The following DNAAF6 variants were observed in gnomAD, a reference collection of about 807,000 sequenced individuals.
DNAAF6 encodes PIH1 domain containing 3.
DNAAF6 carries 3 observed loss-of-function variants against 13.7 expected under a neutral mutation model. That is an observed-to-expected ratio of 0.22 (90% CI 0.10 to 0.56). The LOEUF (loss-of-function observed/expected upper bound fraction) is 0.56, where lower values mean the gene tolerates loss of function less well. Among genes scored for constraint, DNAAF6 ranks in the 20% least tolerant of loss-of-function variants. The pLI, the probability that DNAAF6 is intolerant of heterozygous loss-of-function variation, is 0.92. For synonymous variants in DNAAF6, 54 were observed against 49.2 expected, an observed-to-expected ratio of 1.10 and a Z score of -0.41; for missense variants, 130 against 151.0, an observed-to-expected ratio of 0.86 and a Z score of 0.73.
At chrX:107,233,097 T>C (rs1347757707) in intron 5 of DNAAF6, among the ~76,000 whole-genome samples, 1 of 111,343 alleles carries the variant, frequency 9.0e-6, no homozygotes, top group Non-Finnish European at 1.9e-5. Flanking sequence ...CAGGAGGTAA[T>C]CTTAGAAATA....
At chrX:107,207,169 C>G (rs1356339116) in intron 1 of DNAAF6, 1 of 111,589 alleles carries the variant, frequency 9.0e-6, no homozygotes, top group Non-Finnish European at 1.9e-5. Flanking sequence ...CCTGGCCTAG[C>G]ATGCCTTGGT....
chrX:107,218,959 G>C lies in DNAAF6; in HGVS notation c.322G>C (p.Glu108Gln). 8.5e-7 allele frequency: 1 copy of C among 1,180,020 alleles called. No homozygotes were observed. Among genetic ancestry groups the C allele is most frequent in the Non-Finnish European group, 1.1e-6 (1 of 885,622 alleles). The change falls in exon 4 of 7, where the codon GAA (glutamate) becomes CAA (glutamine). Residue 108 changes from glutamate to glutamine, a missense_variant. By Grantham distance (29) the Glu-to-Gln change is conservative. Coordinates refer to ENST00000372453, the MANE Select transcript of DNAAF6 (RefSeq NM_173494.2). ...ATATGATGATATGTGGGATGTTAGAGAAATCCCAGAGTAAGTCAAATGAAG... is the reference window on the plus strand; with the variant it reads ...ATATGATGATATGTGGGATGTTAGACAAATCCCAGAGTAAGTCAAATGAAG... ...AEYDDMWDVR[E>Q]IPEYEIIFRQ...
intron 4 of DNAAF6, among the ~76,000 whole-genome samples, chrX:107,221,261 C>T (rs765315965): frequency 7.3e-5 from 8 of 109,540 alleles, no homozygotes; most frequent in African/African-American, 2.7e-4. Flanking sequence ...AGGCCTGAGC[C>T]ACAGTGCCCA....
chrX:107,239,233 T>C (rs1372601174), intron 6 of DNAAF6, among the ~76,000 whole-genome samples: 1 of 111,902 alleles, frequency 8.9e-6, no homozygotes, highest in African/African-American at 3.2e-5. Context: ...GGGTTAATGC[T>C]ATTAAAACAC....
intron 5 of DNAAF6, among the ~76,000 whole-genome samples, chrX:107,228,318 A>G (rs941863643): frequency 9.0e-6 from 1 of 111,694 alleles, no homozygotes; most frequent in African/African-American, 3.3e-5. Context: ...AGTGAAGAGG[A>G]AGTGAGGAAG....
intron 5 of DNAAF6, among the ~76,000 whole-genome samples, chrX:107,238,168 C>T (rs1338421024): frequency 1.8e-5 from 2 of 111,387 alleles, no homozygotes; most frequent in Non-Finnish European, 3.8e-5. Context: ...GGATACAACA[C>T]ATTTTGTTTT....
At chrX:107,217,110 T>C (rs1045138314) in intron 3 of DNAAF6, among the ~76,000 whole-genome samples, 1 of 111,881 alleles carries the variant, frequency 8.9e-6, no homozygotes, top group Non-Finnish European at 1.9e-5. Flanking sequence ...AAATGATGAA[T>C]AGCCATTTAC....
At chrX:107,207,669 C>T (rs1034323260) in intron 1 of DNAAF6, among the ~76,000 whole-genome samples, 11 of 112,037 alleles carry the variant, frequency 9.8e-5, no homozygotes, top group African/African-American at 3.6e-4. Context: ...CGGTGGCTCC[C>T]GCCTGTAATC....
intron 6 of DNAAF6, among the ~76,000 whole-genome samples, chrX:107,242,181 A>C (rs1028806725): frequency 8.9e-6 from 1 of 112,043 alleles, no homozygotes; most frequent in Non-Finnish European, 1.9e-5. Context: ...AGAGTCACAG[A>C]AAATTTATCC....
At chrX:107,234,152 A>T (rs1250756431) in intron 5 of DNAAF6, among the ~76,000 whole-genome samples, 3 of 111,622 alleles carry the variant, frequency 2.7e-5, no homozygotes, top group African/African-American at 9.8e-5. Flanking sequence ...AAGCATTTTT[A>T]AAAAGACAGG....
At chrX:107,218,022 G>A (rs1375911055) in intron 3 of DNAAF6, among the ~76,000 whole-genome samples, 1 of 112,336 alleles carries the variant, frequency 8.9e-6, no homozygotes, top group Non-Finnish European at 1.9e-5. Flanking sequence ...TACAAAGCCC[G>A]TGCTAGATAG....
At position 107,243,442 on chromosome X, in the gene DNAAF6, C is replaced by T; in HGVS notation, c.*144C>T. On this transcript the variant is annotated 3_prime_UTR_variant, in exon 7 of 7. Transcript: ENST00000372453. The stretch of plus-strand genomic sequence containing the variant: ...AAATTCAGTTCTAGTGATATTGTGA[C>T]CATTTACAGTAATTTCTATTACTCT... The T allele has an allele frequency of 5.1e-6, 4 of 776,981 alleles. No homozygotes were observed. The highest frequency in any genetic ancestry group is 7.1e-6 in the Non-Finnish European group (4 of 566,513). 64.0% of individuals were successfully genotyped at this position (776,981 alleles called of 1,213,427 possible). A position where few individuals can be genotyped will look rare whatever the true frequency, so the allele number is the denominator to read the frequency against.
At chrX:107,214,690 A>G (rs1189755159) in intron 2 of DNAAF6, among the ~76,000 whole-genome samples, 3 of 112,222 alleles carry the variant, frequency 2.7e-5, no homozygotes, top group Non-Finnish European at 5.6e-5. Flanking sequence ...GACATACAGT[A>G]TCAGAACAGT....
intron 6 of DNAAF6, among the ~76,000 whole-genome samples, chrX:107,242,502 C>T (rs1045452992): frequency 8.9e-6 from 1 of 112,594 alleles, no homozygotes; most frequent in Non-Finnish European, 1.9e-5. Context: ...GTGCTGACCC[C>T]GTGCATAATT....
At chrX:107,212,831 C>T in intron 1 of DNAAF6, 42 bp from the exon 2 acceptor site, 1 of 1,115,208 alleles carries the variant, frequency 9.0e-7, no homozygotes, top group Non-Finnish European at 1.2e-6. Flanking sequence ...TTAAATAAAA[C>T]AGAAAAGTAA....
chrX:107,212,599 C>A (rs1301972998), intron 1 of DNAAF6, among the ~76,000 whole-genome samples: 1 of 111,834 alleles, frequency 8.9e-6, no homozygotes, highest in Non-Finnish European at 1.9e-5. Context: ...CACATTAAAA[C>A]CCGAGAACCA....
chrX:107,227,290 C>T (rs983263529), intron 5 of DNAAF6, among the ~76,000 whole-genome samples: 13 of 111,167 alleles, frequency 1.2e-4, no homozygotes, highest in African/African-American at 4.3e-4. Context: ...TGGGGTTTCA[C>T]CATGTTGGCC....
At chrX:107,224,908 T>G (rs1928222044) in intron 5 of DNAAF6, among the ~76,000 whole-genome samples, 1 of 108,875 alleles carries the variant, frequency 9.2e-6, no homozygotes, top group Admixed American at 1.0e-4. Context: ...ATTTTCCTAT[T>G]ATGTACCCAT....
intron 2 of DNAAF6, among the ~76,000 whole-genome samples, chrX:107,214,732 T>C (rs1927939113): frequency 1.8e-5 from 2 of 112,191 alleles, no homozygotes; most frequent in African/African-American, 6.5e-5. Flanking sequence ...AATGAACTAT[T>C]ACATTTTCCA....
Sources: gnomAD v4.1 joint callset for allele counts (sites outside exome capture counted in the v4.1 genomes callset) on GRCh38, gnomAD v4.1.1 for gene constraint, MANE v1.5 for transcripts, NCBI Gene and HGNC (gene_info 2026-07-23, HGNC 2026-07-21) for gene names.